The following MLPH variants were observed in gnomAD, a reference collection of about 807,000 sequenced individuals.
The protein encoded by MLPH is exophilin-3.
A neutral mutation model predicts 72.1 loss-of-function variants in MLPH; 51 were observed. The observed-to-expected ratio is 0.71, with a 90% CI of 0.56 to 0.89. MLPH has a LOEUF of 0.89. Among genes scored for constraint, MLPH ranks in the 40% least tolerant of loss-of-function variants. MLPH has a pLI of 0.00. For synonymous variants in MLPH, 301 were observed against 310.1 expected (o/e 0.97, Z 0.31); for missense variants, 743 against 759.9 (o/e 0.98, Z 0.26).
chr2:237,532,873 A>G (rs2080450067), intron 8 of MLPH, among the ~76,000 whole-genome samples: 1 of 152,244 alleles, frequency 6.6e-6, no homozygotes, highest in African/African-American at 2.4e-5. Flanking sequence ...TTATTCTTGA[A>G]CAAGCATCAA....
chr2:237,532,971 C>T (rs918853968), intron 8 of MLPH, among the ~76,000 whole-genome samples: 2 of 152,182 alleles, frequency 1.3e-5, no homozygotes, highest in African/African-American at 2.4e-5. Flanking sequence ...CCGGCAGGCC[C>T]GGCCCATTCC....
At chr2:237,531,362 T>C (rs2080417477) in intron 8 of MLPH, among the ~76,000 whole-genome samples, 1 of 152,034 alleles carries the variant, frequency 6.6e-6, no homozygotes, top group African/African-American at 2.4e-5. Context: ...ACCTCTTGGG[T>C]GAGGCCAGCA....
At chr2:237,537,167 G>C (rs1055650726) in intron 9 of MLPH, among the ~76,000 whole-genome samples, 1 of 152,242 alleles carries the variant, frequency 6.6e-6, no homozygotes, top group Non-Finnish European at 1.5e-5. Flanking sequence ...GGACGAGTTA[G>C]TCACCCTGGC....
chr2:237,508,781 T>C (rs1022138500), intron 2 of MLPH, among the ~76,000 whole-genome samples: 2 of 152,210 alleles, frequency 1.3e-5, no homozygotes, highest in East Asian at 1.9e-4. Context: ...TCCACCAGCA[T>C]AGCCGGTGGT....
intron 15 of MLPH, 137 bp from the exon 16 acceptor site, chr2:237,553,429 G>T (rs1472497222): frequency 1.2e-6 from 1 of 850,344 alleles, no homozygotes; most frequent in Non-Finnish European, 1.9e-6. Flanking sequence ...GCACAAACGT[G>T]TAATCTAAAT....
At chr2:237,530,088 C>T (rs908012931) in intron 8 of MLPH, among the ~76,000 whole-genome samples, 7 of 152,364 alleles carry the variant, frequency 4.6e-5, no homozygotes, top group Middle Eastern at 3.4e-3. Flanking sequence ...CCTGGCCTTT[C>T]GGTGCACAGG....
chr2:237,553,920 A>T lies in MLPH; in HGVS notation c.*328A>T, dbSNP rs2081086114. ...GAAGACCTTTATACTGTGATCTTTT[A>T]CCCCTTTCACTCTTGGCTTTCTTAT... is the stretch of plus-strand genomic sequence containing the variant. On this transcript the variant is annotated 3_prime_UTR_variant, in exon 16 of 16. Transcript: ENST00000264605. 2.1e-6 allele frequency: 1 copy of T among 472,668 alleles called. No individual in the cohort carries two copies. The highest frequency in any genetic ancestry group is 3.9e-6 in the Non-Finnish European group (1 of 253,604). 29.3% of individuals were successfully genotyped at this position (472,668 alleles called of 1,614,324 possible).
intron 8 of MLPH, among the ~76,000 whole-genome samples, chr2:237,533,023 A>G (rs1190648023): frequency 6.6e-6 from 1 of 152,178 alleles, no homozygotes; most frequent in East Asian, 1.9e-4. Context: ...CTTACCAATG[A>G]GAGGAGCTGA....
chr2:237,549,727 C>A (rs1055720977), intron 14 of MLPH, among the ~76,000 whole-genome samples: 13 of 152,152 alleles, frequency 8.5e-5, no homozygotes, highest in African/African-American at 2.9e-4. Flanking sequence ...CTCATTCACT[C>A]ACCTTGTGAC....
chr2:237,516,544 C>T (rs990873518), intron 4 of MLPH, among the ~76,000 whole-genome samples: 4 of 152,254 alleles, frequency 2.6e-5, no homozygotes, highest in Non-Finnish European at 5.9e-5. Context: ...CACTCCACAG[C>T]TCCAGGGTCT....
chr2:237,493,551 C>T lies in MLPH; in HGVS notation c.110+15C>T, dbSNP rs2106455085. 6.2e-7 allele frequency: 1 copy of T among 1,604,770 alleles called. No individual in the cohort carries two copies. The highest frequency in any genetic ancestry group is 1.1e-5 in the South Asian group (1 of 90,880). On this transcript the variant is annotated intron_variant, in intron 2 of 15. Coordinates refer to ENST00000264605, the MANE Select transcript of MLPH (RefSeq NM_024101.7). ...GAACGGCTAGAGTGAGTGTGCCGTGCTGAGCCCACGGAGCCCGGGGTCCCT... is the reference window on the plus strand; with the variant it reads ...GAACGGCTAGAGTGAGTGTGCCGTGTTGAGCCCACGGAGCCCGGGGTCCCT...
chr2:237,501,664 T>TAAAAAAAAAAAAA (rs58268748), intron 2 of MLPH, among the ~76,000 whole-genome samples: 14 of 63,558 alleles, frequency 2.2e-4, no homozygotes, highest in African/African-American at 6.6e-4. Flanking sequence ...ACGTCTCTAC[T>TAAAAAAAAAAAAA]AAAAAAAAAA....
intron 1 of MLPH, among the ~76,000 whole-genome samples, chr2:237,488,867 A>G (rs372867230): frequency 2.0e-5 from 3 of 152,158 alleles, no homozygotes; most frequent in African/African-American, 7.2e-5. Context: ...AATAAGCCCC[A>G]GTCTCAGTGG....
chr2:237,552,977 G>A, intron 15 of MLPH: 2 of 390,394 alleles, frequency 5.1e-6, no homozygotes, highest in South Asian at 1.9e-5. Context: ...AAAAGAAAGT[G>A]CACTCCACAG....
chr2:237,546,344 T>C, intron 12 of MLPH: 1 of 507,782 alleles, frequency 2.0e-6, no homozygotes, highest in South Asian at 2.1e-5. Flanking sequence ...TTTAGCTTGG[T>C]GATTGTGGAG....
chr2:237,492,946 T>G (rs1315731230), intron 1 of MLPH, among the ~76,000 whole-genome samples: 1 of 152,240 alleles, frequency 6.6e-6, no homozygotes, highest in Non-Finnish European at 1.5e-5. Context: ...CAGGAGACTC[T>G]GAGCTGACTA....
rs1574897771 is a variant in MLPH, at chr2:237,542,546, C to G, written c.1447-21C>G. ...CTCGAGCGTCTGTCTGACGGGCCTT[C>G]TGTCTGCTGTCCTCTCGCAGGTTTC... On this transcript the variant is annotated intron_variant, in intron 11 of 15. Transcript: ENST00000264605. 1.9e-6 allele frequency: 3 copies of G among 1,573,352 alleles called. No homozygotes were observed. The African/African-American group carries it at 4.0e-5, about 21-fold the overall frequency.
chr2:237,490,927 A>C lies in MLPH; in HGVS notation c.-24-2476A>C, dbSNP rs569132292. ...GCAAACACTCAACTTTATGTTTGAG[A>C]GTGGAAATGTTGACGAATGGGTGCA... On this transcript the variant is annotated intron_variant, in intron 1 of 15. Coordinates refer to ENST00000264605, the MANE Select transcript of MLPH (RefSeq NM_024101.7). 1.5e-4 allele frequency among the ~76,000 whole-genome samples: 23 copies of C among 152,330 alleles called. No individual in the cohort carries two copies. In the South Asian group the frequency reaches 4.4e-3, roughly 29 times the overall value.
At chr2:237,507,598 C>A (rs1187281734) in intron 2 of MLPH, among the ~76,000 whole-genome samples, 3 of 152,138 alleles carry the variant, frequency 2.0e-5, no homozygotes, top group Non-Finnish European at 4.4e-5. Flanking sequence ...AAAAGAGAAC[C>A]ACTTCTGTTA....
Sources: allele counts gnomAD v4.1 joint callset (sites outside exome capture counted in the v4.1 genomes callset), GRCh38; gene constraint gnomAD v4.1.1; transcripts MANE v1.5; gene names NCBI Gene and HGNC (gene_info 2026-07-23, HGNC 2026-07-21).